DNAH7: variants seen among roughly 807,000 people sequenced by gnomAD.
DNAH7 encodes the protein dynein axonemal heavy chain 7, also known as axonemal beta dynein heavy chain 7.
In DNAH7, 397 loss-of-function variants were observed where a neutral mutation model predicts 444.6. That is an observed-to-expected ratio of 0.89 (90% CI 0.82 to 0.97). The LOEUF (loss-of-function observed/expected upper bound fraction) is 0.97. Among genes scored for constraint, DNAH7 ranks in the 50% least tolerant of loss-of-function variants. DNAH7 has a pLI of 0.00. For synonymous variants in DNAH7, 1,636 were observed against 1,624.4 expected (o/e 1.01, Z -0.17); for missense variants, 4,902 against 4,800.8 (o/e 1.02, Z -0.62).
intron 12 of DNAH7, among the ~76,000 whole-genome samples, chr2:195,989,159 T>C (rs901850497): frequency 1.8e-4 from 28 of 152,206 alleles, no homozygotes; most frequent in African/African-American, 4.8e-4. Flanking sequence ...GGAGTGCAAA[T>C]AGCTCTTCAA....
At chr2:195,962,313 T>C (rs963101647) in intron 17 of DNAH7, among the ~76,000 whole-genome samples, 1 of 152,216 alleles carries the variant, frequency 6.6e-6, no homozygotes, top group African/African-American at 2.4e-5. Context: ...CCCTCAAATA[T>C]TTATCCTTCG....
chr2:196,056,417 C>T (rs150037788), intron 2 of DNAH7, among the ~76,000 whole-genome samples: 2 of 133,396 alleles, frequency 1.5e-5, no homozygotes, highest in African/African-American at 2.9e-5. Context: ...TGCACTCTGT[C>T]TGAAAAAAAA....
rs201439572 is a variant in DNAH7 at position 195,876,503 on chromosome 2, T to C, written c.6117+41A>G. On this transcript the variant is annotated intron_variant, in intron 37 of 64. Coordinates refer to ENST00000312428, the MANE Select transcript of DNAH7 (RefSeq NM_018897.3). ...GGTTTCCTTGTTCCAACTGCAGCAA[T>C]GTATATGAATAGGCCCGGGTACTGT... 267 of 1,573,918 alleles carry C rather than the reference T, an allele frequency of 1.7e-4. No homozygotes were observed. In the African/African-American group the frequency reaches 3.1e-3, roughly 19 times the overall value.
intron 58 of DNAH7, among the ~76,000 whole-genome samples, chr2:195,782,722 C>G (rs1443395073): frequency 3.3e-5 from 5 of 152,126 alleles, no homozygotes; most frequent in Non-Finnish European, 7.3e-5. Context: ...TTCTCTCCAG[C>G]ATTTAACAGG....
chr2:195,884,932 T>TTAGTA, intron 34 of DNAH7, 123 bp from the exon 35 acceptor site: 1 of 716,350 alleles, frequency 1.4e-6, no homozygotes. Context: ...CTCAAATATA[T>TTAGTA]TAGTAGGTCA....
chr2:195,955,885 T>C (rs1690613965), intron 19 of DNAH7, among the ~76,000 whole-genome samples: 1 of 152,142 alleles, frequency 6.6e-6, no homozygotes, highest in African/African-American at 2.4e-5. Context: ...GGAAACTATA[T>C]ATAAAAGACT....
chr2:195,829,364 A>G, intron 48 of DNAH7, among the ~76,000 whole-genome samples: 1 of 152,008 alleles, frequency 6.6e-6, no homozygotes, highest in Non-Finnish European at 1.5e-5. Flanking sequence ...ATGTGGCCCT[A>G]CTATATCAAT....
intron 12 of DNAH7, chr2:195,994,493 G>A (rs1256946773): frequency 1.6e-5 from 8 of 496,014 alleles, no homozygotes; most frequent in Admixed American, 5.1e-5. Flanking sequence ...CATGTCCTGT[G>A]TTGGTTGAAT....
intron 6 of DNAH7, among the ~76,000 whole-genome samples, chr2:196,027,252 TGTTA>T (rs1695746822): frequency 6.6e-6 from 1 of 152,024 alleles, no homozygotes; most frequent in African/African-American, 2.4e-5. Context: ...AAAAATGATT[TGTTA>T]GTTTTTCTCT....
Position 195,891,823 on chromosome 2 carries a change from C to T in DNAH7, c.4897-19G>A, listed in dbSNP as rs754730664. On this transcript the variant is annotated intron_variant, in intron 30 of 64. Coordinates refer to ENST00000312428, the MANE Select transcript of DNAH7 (RefSeq NM_018897.3). The stretch of plus-strand genomic sequence containing the variant: ...TTAGCCCCTTAATGAAAAAAAAAAA[C>T]ATTTATTTATGTAAAGAATACTGTC... 5 of 1,356,274 alleles carry T rather than the reference C, an allele frequency of 3.7e-6. No homozygotes were observed. Among genetic ancestry groups the T allele is most frequent in the African/African-American group, 3.0e-5 (2 of 66,104 alleles). The allele number at this position is 1,356,274 out of a possible 1,614,324, so 84.0% of individuals were successfully genotyped here.
intron 44 of DNAH7, among the ~76,000 whole-genome samples, chr2:195,856,469 A>G (rs1699716233): frequency 6.6e-6 from 1 of 152,206 alleles, no homozygotes; most frequent in South Asian, 2.1e-4. Flanking sequence ...TCTCCCTAGT[A>G]TCTGGAAAAT....
At chr2:195,905,254 C>T (rs1686941514) in intron 27 of DNAH7, 1 of 152,128 alleles carries the variant, frequency 6.6e-6, no homozygotes, top group South Asian at 2.1e-4. Context: ...AAATGAATAA[C>T]ATAGCGAACA....
chr2:195,877,757 A>T (rs1701145100), intron 36 of DNAH7, among the ~76,000 whole-genome samples: 2 of 152,226 alleles, frequency 1.3e-5, no homozygotes, highest in Admixed American at 6.5e-5. Flanking sequence ...GAGATTCTGG[A>T]GGAAGGCTTT....
chr2:195,907,071 T>C (rs940015156), intron 25 of DNAH7, 62 bp from the exon 26 acceptor site: 1 of 1,301,012 alleles, frequency 7.7e-7, no homozygotes, highest in Non-Finnish European at 1.1e-6. Flanking sequence ...AATGAAATGT[T>C]GTATTTTCAC....
At chr2:195,798,016 T>A (rs903892303) in intron 55 of DNAH7, among the ~76,000 whole-genome samples, 1 of 152,248 alleles carries the variant, frequency 6.6e-6, no homozygotes, top group Non-Finnish European at 1.5e-5. Context: ...CTGGAGGAAA[T>A]AGGACAAGTT....
intron 24 of DNAH7, among the ~76,000 whole-genome samples, chr2:195,914,605 G>A (rs893311103): frequency 6.6e-6 from 1 of 152,198 alleles, no homozygotes; most frequent in African/African-American, 2.4e-5. Context: ...AGGCCAATGA[G>A]GAAGACTCAC....
chr2:195,812,031 TG>T (rs879522763), intron 51 of DNAH7, among the ~76,000 whole-genome samples: 4 of 152,322 alleles, frequency 2.6e-5, no homozygotes, highest in Admixed American at 1.3e-4. Context: ...ATTGACCTTT[TG>T]GGCTATCTTT....
At chr2:195,865,524 G>A (rs1700277504) in intron 40 of DNAH7, among the ~76,000 whole-genome samples, 1 of 152,184 alleles carries the variant, frequency 6.6e-6, no homozygotes, top group African/African-American at 2.4e-5. Context: ...TAGAGGGAGA[G>A]TTGTTTGGGA....
intron 15 of DNAH7, among the ~76,000 whole-genome samples, chr2:195,983,452 C>T (rs1176251951): frequency 3.2e-4 from 48 of 152,068 alleles, no homozygotes; most frequent in Non-Finnish European, 2.9e-4. Context: ...TAATGTGACA[C>T]ATGGCAAGAG....
Sources: gnomAD v4.1 joint callset for allele counts (sites outside exome capture counted in the v4.1 genomes callset) on GRCh38, gnomAD v4.1.1 for gene constraint, MANE v1.5 for transcripts, NCBI Gene and HGNC (gene_info 2026-07-23, HGNC 2026-07-21) for gene names.